GPC6: variants seen among roughly 807,000 people sequenced by gnomAD.
GPC6 encodes glypican-6.
In GPC6, 14 loss-of-function variants were observed where a neutral mutation model predicts 55.2. That is an observed-to-expected ratio of 0.25 (90% CI 0.17 to 0.40). The LOEUF (loss-of-function observed/expected upper bound fraction) is 0.40. GPC6 is among the 10% of genes least tolerant of loss of function. The probability of loss-of-function intolerance (pLI) is 1.00; values close to 1 mark genes in which losing one functional copy is unlikely to be tolerated. For missense variants in GPC6, 641 were observed against 708.5 expected (o/e 0.90, Z 1.08); for synonymous variants, 278 against 259.6 (o/e 1.07, Z -0.68).
At chr13:94,035,924 A>G (rs1200997767) in intron 4 of GPC6, among the ~76,000 whole-genome samples, 1 of 151,894 alleles carries the variant, frequency 6.6e-6, no homozygotes. Context: ...CTTTTTCCTC[A>G]GGGTTGTTTC....
chr13:94,004,363 TAAC>T (rs1881928517), intron 3 of GPC6, among the ~76,000 whole-genome samples: 1 of 151,870 alleles, frequency 6.6e-6, no homozygotes, highest in African/African-American at 2.4e-5. Flanking sequence ...GGATGATACT[TAAC>T]AATGTCTGAA....
intron 4 of GPC6, among the ~76,000 whole-genome samples, chr13:94,144,536 AGTGTGTGTGTATGTGTGTGTGT>A (rs1887494378): frequency 1.2e-5 from 1 of 80,040 alleles, no homozygotes; most frequent in South Asian, 3.8e-4. Context: ...ATTCTTTGGG[AGTGTGTGTGTATGTGTGTGTGT>A]GTGTGTGTGT....
intron 3 of GPC6, among the ~76,000 whole-genome samples, chr13:93,832,646 T>C (rs1447080800): frequency 6.6e-6 from 1 of 152,114 alleles, no homozygotes; most frequent in African/African-American, 2.4e-5. Flanking sequence ...CTCCTGTTTT[T>C]CAGTGAGTGT....
At chr13:93,972,067 G>A (rs1012380466) in intron 3 of GPC6, among the ~76,000 whole-genome samples, 3 of 152,152 alleles carry the variant, frequency 2.0e-5, no homozygotes, top group Non-Finnish European at 4.4e-5. Flanking sequence ...AGTCCAGCCT[G>A]GACTGTAGAA....
chr13:94,157,923 T>G (rs1888012048), intron 4 of GPC6, among the ~76,000 whole-genome samples: 1 of 152,108 alleles, frequency 6.6e-6, no homozygotes, highest in African/African-American at 2.4e-5. Flanking sequence ...GAGTCAAGGA[T>G]AACTGAGAGC....
At chr13:94,060,359 G>A (rs1361378615) in intron 4 of GPC6, among the ~76,000 whole-genome samples, 3 of 152,074 alleles carry the variant, frequency 2.0e-5, no homozygotes, top group African/African-American at 7.2e-5. Flanking sequence ...GATCTTTGTT[G>A]TGTTCCCTGA....
chr13:94,219,051 CAT>C (rs1042744030), intron 4 of GPC6, among the ~76,000 whole-genome samples: 6 of 152,246 alleles, frequency 3.9e-5, no homozygotes, highest in East Asian at 1.9e-4. Flanking sequence ...CATATGCTAA[CAT>C]GTGTCAGAAG....
chr13:93,260,241 A>G (rs1877095674), intron 1 of GPC6, among the ~76,000 whole-genome samples: 1 of 152,148 alleles, frequency 6.6e-6, no homozygotes, highest in Admixed American at 6.5e-5. Flanking sequence ...GAAACAATCT[A>G]TGCCAATGTA....
chr13:94,117,330 G>T (rs1482394347), intron 4 of GPC6, among the ~76,000 whole-genome samples: 1 of 152,066 alleles, frequency 6.6e-6, no homozygotes, highest in Non-Finnish European at 1.5e-5. Context: ...ATAATTCTAT[G>T]TCATTAACAA....
intron 3 of GPC6, among the ~76,000 whole-genome samples, chr13:94,002,206 G>C (rs576657654): frequency 6.6e-6 from 1 of 152,146 alleles, no homozygotes; most frequent in East Asian, 1.9e-4. Flanking sequence ...ACTAAGAAAA[G>C]AGAAGTCAGA....
At chr13:94,213,124 C>A (rs1446352945) in intron 4 of GPC6, among the ~76,000 whole-genome samples, 1 of 152,150 alleles carries the variant, frequency 6.6e-6, no homozygotes, top group Non-Finnish European at 1.5e-5. Context: ...CCACTGCACT[C>A]CAGCCTGGGT....
intron 2 of GPC6, among the ~76,000 whole-genome samples, chr13:93,717,213 T>C (rs1274501519): frequency 6.6e-6 from 1 of 151,734 alleles, no homozygotes; most frequent in Non-Finnish European, 1.5e-5. Flanking sequence ...TACTTTTTAA[T>C]GCAGATAGTT....
At chr13:94,218,654 C>A (rs574739084) in intron 4 of GPC6, among the ~76,000 whole-genome samples, 1 of 152,146 alleles carries the variant, frequency 6.6e-6, no homozygotes, top group African/African-American at 2.4e-5. Flanking sequence ...TGCTGCAGCC[C>A]TTGGTAACAA....
chr13:93,846,847 C>T (rs972851254), intron 3 of GPC6, among the ~76,000 whole-genome samples: 1 of 152,098 alleles, frequency 6.6e-6, no homozygotes, highest in Non-Finnish European at 1.5e-5. Context: ...AGCCACATTT[C>T]ACATACTGAA....
At chr13:93,407,243 A>G (rs1000839912) in intron 1 of GPC6, among the ~76,000 whole-genome samples, 6 of 152,162 alleles carry the variant, frequency 3.9e-5, no homozygotes, top group African/African-American at 1.4e-4. Flanking sequence ...ATGTGTAGGT[A>G]TACATATGTA....
intron 4 of GPC6, among the ~76,000 whole-genome samples, chr13:94,222,880 C>T (rs538633736): frequency 2.6e-5 from 4 of 152,230 alleles, no homozygotes; most frequent in African/African-American, 9.6e-5. Flanking sequence ...GCAGCAATGC[C>T]TCACCATCTT....
At chr13:94,100,236 T>C (rs1339603285) in intron 4 of GPC6, among the ~76,000 whole-genome samples, 24 of 152,104 alleles carry the variant, frequency 1.6e-4, no homozygotes, top group Admixed American at 1.6e-3. Flanking sequence ...AGAAGAAAGC[T>C]AAGCAAATAG....
chr13:93,965,032 A>G (rs1243236060), intron 3 of GPC6, among the ~76,000 whole-genome samples: 3 of 151,824 alleles, frequency 2.0e-5, no homozygotes, highest in Non-Finnish European at 2.9e-5. Flanking sequence ...TTCATGTTTA[A>G]TAATTATCTC....
chr13:94,146,862 T>G (rs573670213), intron 4 of GPC6, among the ~76,000 whole-genome samples: 3 of 152,316 alleles, frequency 2.0e-5, no homozygotes, highest in African/African-American at 4.8e-5. Context: ...TAACATTACA[T>G]TCTAGCAATG....
Sources: allele counts gnomAD v4.1 joint callset (sites outside exome capture counted in the v4.1 genomes callset), GRCh38; gene constraint gnomAD v4.1.1; transcripts MANE v1.5; gene names NCBI Gene and HGNC (gene_info 2026-07-23, HGNC 2026-07-21).